The following TAF4B variants were observed in gnomAD, a reference collection of about 807,000 sequenced individuals.
The protein encoded by TAF4B is transcription initiation factor TFIID subunit 4B.
A neutral mutation model predicts 86.4 loss-of-function variants in TAF4B; 38 were observed. That is an observed-to-expected ratio of 0.44 (90% CI 0.34 to 0.58). TAF4B has a LOEUF of 0.58. Ranked by LOEUF, TAF4B falls within the 20% of genes least tolerant of loss-of-function variation. The pLI is 0.02. For missense variants in TAF4B, 988 were observed against 1,027.6 expected, an observed-to-expected ratio of 0.96 and a Z score of 0.53; for synonymous variants, 388 against 391.2, an observed-to-expected ratio of 0.99 and a Z score of 0.10.
At chr18:26,351,953 A>G (rs1372871354) in intron 13 of TAF4B, among the ~76,000 whole-genome samples, 1 of 152,174 alleles carries the variant, frequency 6.6e-6, no homozygotes, top group African/African-American at 2.4e-5. Context: ...AAGTGGTAAA[A>G]TATTGATGCT....
Position 26,360,441 on chromosome 18 carries a change from T to A in TAF4B, c.2421+2647T>A, listed in dbSNP as rs542693966. ...TCCCTAGCCCCATTTTCTTTCAGTT[T>A]GTCTGGGCTTTATTCATCTAAAAGT... On this transcript the variant is annotated intron_variant, in intron 14 of 14. Transcript: ENST00000269142. Among the ~76,000 whole-genome samples the A allele has an allele frequency of 9.5e-4, 145 of 152,344 alleles. 1 individual carries two copies. Among genetic ancestry groups the A allele is most frequent in the African/African-American group, 3.2e-3 (134 of 41,588 alleles).
intron 1 of TAF4B, chr18:26,256,261 G>A (rs185440521): frequency 8.7e-5 from 132 of 1,515,172 alleles, no homozygotes; most frequent in Non-Finnish European, 9.7e-5. Flanking sequence ...TTTTCATAGC[G>A]TTTACTGTCA....
chr18:26,227,797 G>GT (rs1340914214), intron 1 of TAF4B, among the ~76,000 whole-genome samples: 1 of 152,240 alleles, frequency 6.6e-6, no homozygotes, highest in Admixed American at 6.5e-5. Context: ...GATTACAGGC[G>GT]TGAGCCACCG....
At position 26,227,095 on chromosome 18, in the gene TAF4B, G is replaced by A; in HGVS notation, c.162G>A (p.Val54=). The change falls in exon 1 of 15, where the codon GTG becomes GTA. Residue 54 remains valine, a synonymous_variant. Coordinates refer to ENST00000269142, the MANE Select transcript of TAF4B (RefSeq NM_005640.3). ...AVTKAPVSVC[V]EPTASQPLRS... is the part of the protein sequence containing the mutation. ...CTAAGGCTCCTGTCAGCGTCTGCGT[G>A]GAGCCCACGGCGTCCCAGCCCCTGC... is the stretch of plus-strand genomic sequence containing the variant. The A allele has an allele frequency of 6.2e-7, 1 of 1,611,328 alleles. No homozygotes were observed. The highest frequency in any genetic ancestry group is 8.5e-7 in the Non-Finnish European group (1 of 1,179,160).
chr18:26,302,498 A>G (rs1057258059), intron 9 of TAF4B, among the ~76,000 whole-genome samples: 3 of 150,006 alleles, frequency 2.0e-5, no homozygotes, highest in African/African-American at 7.4e-5. Flanking sequence ...AGTAGCTAAG[A>G]CAACAGGTAC....
intron 1 of TAF4B, chr18:26,256,020 C>T: frequency 7.9e-7 from 1 of 1,266,934 alleles, no homozygotes; most frequent in East Asian, 2.3e-5. Context: ...TGTTTAAATT[C>T]CTTCTGCAGT....
At chr18:26,375,128 GATTCACCT>G (rs1159103496) in intron 14 of TAF4B, among the ~76,000 whole-genome samples, 1 of 152,116 alleles carries the variant, frequency 6.6e-6, no homozygotes, top group Admixed American at 6.5e-5. Flanking sequence ...AGTCTGTAAG[GATTCACCT>G]ATTCTAGGCA....
chr18:26,353,745 A>G (rs1332268162), intron 13 of TAF4B, among the ~76,000 whole-genome samples: 1 of 152,260 alleles, frequency 6.6e-6, no homozygotes, highest in East Asian at 1.9e-4. Flanking sequence ...AGTCCTTATC[A>G]GTACAATGAA....
intron 13 of TAF4B, among the ~76,000 whole-genome samples, chr18:26,352,057 A>G (rs1053052581): frequency 1.3e-5 from 2 of 152,184 alleles, no homozygotes; most frequent in Non-Finnish European, 2.9e-5. Context: ...AAAATGCAGT[A>G]GATAAATTAA....
chr18:26,255,539 T>A (rs1347956756), intron 1 of TAF4B, among the ~76,000 whole-genome samples: 1 of 142,954 alleles, frequency 7.0e-6, no homozygotes, highest in East Asian at 2.0e-4. Flanking sequence ...GGAGACGAAG[T>A]TGCAGTGAGC....
Position 26,269,191 on chromosome 18 carries a change from C to G in TAF4B, c.597+1568C>G, listed in dbSNP as rs906166518. Reference sequence around the variant, plus strand: ...GTCCTCTGGTAGAGGTGTTTGCTTCCTGTGGGCAGAAATGGGAAACACAAA... The same window carrying G: ...GTCCTCTGGTAGAGGTGTTTGCTTCGTGTGGGCAGAAATGGGAAACACAAA... On this transcript the variant is annotated intron_variant, in intron 3 of 14. Transcript: ENST00000269142. 2.0e-5 allele frequency among the ~76,000 whole-genome samples: 3 copies of G among 151,518 alleles called. No individual in the cohort carries two copies. In the East Asian group the frequency reaches 5.8e-4, roughly 29 times the overall value.
At chr18:26,296,887 C>G (rs1260412891) in intron 9 of TAF4B, among the ~76,000 whole-genome samples, 5 of 147,286 alleles carry the variant, frequency 3.4e-5, no homozygotes, top group African/African-American at 1.3e-4. Context: ...TGCCTGTAAT[C>G]CCAGCACTTT....
Position 26,353,934 on chromosome 18 carries a change from A to G in TAF4B, c.2317-3756A>G, listed in dbSNP as rs1308430195. ...AGGACTCTTTGCTGGACTCCAAGTC[A>G]TGTTCTCCTATGGTTTTTTCCTATA... On this transcript the variant is annotated intron_variant, in intron 13 of 14. Coordinates refer to ENST00000269142, the MANE Select transcript of TAF4B (RefSeq NM_005640.3). 2.0e-5 allele frequency among the ~76,000 whole-genome samples: 3 copies of G among 152,218 alleles called. No individual in the cohort carries two copies. In the South Asian group the frequency reaches 6.2e-4, roughly 32 times the overall value.
At chr18:26,335,009 G>A (rs1041304028) in intron 12 of TAF4B, among the ~76,000 whole-genome samples, 166 bp from the exon 13 acceptor site, 2 of 152,166 alleles carry the variant, frequency 1.3e-5, no homozygotes, top group Non-Finnish European at 2.9e-5. Context: ...TGATGAGGGG[G>A]CAGGGGAAAC....
chr18:26,318,422 T>C (rs942271355), intron 10 of TAF4B, among the ~76,000 whole-genome samples: 7 of 152,120 alleles, frequency 4.6e-5, no homozygotes, highest in Non-Finnish European at 1.0e-4. Flanking sequence ...ATGCTTTCCA[T>C]TTATAATAAA....
chr18:26,286,218 C>G lies in TAF4B; in HGVS notation c.1309C>G (p.Leu437Val). 6.2e-7 allele frequency: 1 copy of G among 1,614,232 alleles called. No homozygotes were observed. The change falls in exon 7 of 15, where the codon CTT (leucine) becomes GTT (valine). Residue 437 changes from leucine (L) to valine (V), a missense_variant. Coordinates refer to ENST00000269142, the MANE Select transcript of TAF4B (RefSeq NM_005640.3). ...TGGTTTGCTTCAGACTTCAAAACCA[C>G]TTGTGACATCTGTGGCAAACACAGT... The part of the protein sequence containing the change: ...GTGLLQTSKP[L>V]VTSVANTVTT...
rs1165485349 is a variant in TAF4B at position 26,276,028 on chromosome 18, AAAAAG to A, written c.882+990_882+994del. Among the ~76,000 whole-genome samples the A allele has an allele frequency of 6.4e-3, 973 of 151,246 alleles. 6 individuals carry two copies. Among genetic ancestry groups the A allele is most frequent in the East Asian group, 0.019 (99 of 5,154 alleles). On this transcript the variant is annotated intron_variant, in intron 5 of 14. Transcript: ENST00000269142. ...AAGACTCTGTCTCAAAAAAAAAAAA[AAAAAG>A]AAAAGAAAAGAAAAAAGAATTATGA...
At chr18:26,346,777 GTGTGTA>G (rs1288238322) in intron 13 of TAF4B, among the ~76,000 whole-genome samples, 1 of 14,278 alleles carries the variant, frequency 7.0e-5, no homozygotes, top group African/African-American at 1.9e-4. Flanking sequence ...ATATATATGT[GTGTGTA>G]TATATATATA....
chr18:26,315,754 AT>A (rs2056904743), intron 10 of TAF4B, among the ~76,000 whole-genome samples: 1 of 152,030 alleles, frequency 6.6e-6, no homozygotes, highest in South Asian at 2.1e-4. Context: ...GTTTGTGTTT[AT>A]GAAATACAGG....
Sources: gnomAD v4.1 joint callset for allele counts (sites outside exome capture counted in the v4.1 genomes callset) on GRCh38, gnomAD v4.1.1 for gene constraint, MANE v1.5 for transcripts, NCBI Gene and HGNC (gene_info 2026-07-23, HGNC 2026-07-21) for gene names.